C22orf23: variants seen among roughly 807,000 people sequenced by gnomAD.
C22orf23 encodes chromosome 22 open reading frame 23.
Under a neutral mutation model 29.7 loss-of-function variants are expected in C22orf23, and 30 were observed. The observed-to-expected ratio is 1.01, with a 90% CI of 0.76 to 1.37. The LOEUF (loss-of-function observed/expected upper bound fraction) is 1.37, where lower values mean the gene tolerates loss of function less well. C22orf23 is among the 40% of genes most tolerant of loss of function. C22orf23 has a pLI of 0.00. For synonymous variants in C22orf23, 90 were observed against 96.1 expected, an observed-to-expected ratio of 0.94 and a Z score of 0.37; for missense variants, 237 against 273.1, an observed-to-expected ratio of 0.87 and a Z score of 0.93.
rs199929592 is a variant in C22orf23 at position 37,947,347 on chromosome 22, G to A, written c.283C>T (p.Arg95Trp). ...PPILAARPHL[R>W]PANMCQANGA... Reference sequence around the variant, plus strand: ...TTGGCTTGACACATGTTGGCAGGCCGGAGGTGGGGACGGGCTGCGAGGATG... The same window carrying A: ...TTGGCTTGACACATGTTGGCAGGCCAGAGGTGGGGACGGGCTGCGAGGATG... Residue 95 changes from arginine to tryptophan, a missense_variant, in exon 4 of 7, where the codon CGG becomes TGG. Coordinates refer to ENST00000403305, the MANE Select transcript of C22orf23 (RefSeq NM_032561.5). 7.9e-5 allele frequency: 128 copies of A among 1,613,802 alleles called. No homozygotes were observed. Among genetic ancestry groups the A allele is most frequent in the Non-Finnish European group, 7.7e-5 (91 of 1,179,990 alleles).
intron 3 of C22orf23, 116 bp from the exon 4 acceptor site, chr22:37,947,579 C>G: frequency 2.4e-6 from 2 of 817,374 alleles, no homozygotes; most frequent in Non-Finnish European, 1.8e-6. Flanking sequence ...GGCGCGATCT[C>G]GGCTTACTGC....
rs1463140151 is a variant in C22orf23 at position 37,943,944 on chromosome 22, C to T, written c.*231G>A. 7 of 594,132 alleles carry T rather than the reference C, an allele frequency of 1.2e-5. No individual in the cohort carries two copies. The highest frequency in any genetic ancestry group is 1.2e-4 in the Admixed American group (4 of 34,552). The allele number at this position is 594,132 out of a possible 1,614,324, so 36.8% of individuals were successfully genotyped here. The stretch of plus-strand genomic sequence containing the variant: ...AGACACATGTCCTAGTAGGGATGCT[C>T]GGGCTTTGCTTCTCTGCGGACGGGG... On this transcript the variant is annotated 3_prime_UTR_variant, in exon 7 of 7. Coordinates refer to ENST00000403305, the MANE Select transcript of C22orf23 (RefSeq NM_032561.5).
Position 37,951,617 on chromosome 22 carries a change from C to T in C22orf23, c.104-95G>A, listed in dbSNP as rs897381251. On this transcript the variant is annotated intron_variant, in intron 2 of 6. Transcript: ENST00000403305. Reference sequence around the variant, plus strand: ...AATTTAAAACCCTACATCCTAGCCCCATTCTGCACTGAGCATGCCTTCTCT... The same window carrying T: ...AATTTAAAACCCTACATCCTAGCCCTATTCTGCACTGAGCATGCCTTCTCT... 1.9e-5 allele frequency: 20 copies of T among 1,031,508 alleles called. No individual in the cohort carries two copies. The African/African-American group carries it at 2.2e-4, about 11-fold the overall frequency. The allele number at this position is 1,031,508 out of a possible 1,614,324, so 63.9% of individuals were successfully genotyped here. A position where few individuals can be genotyped will look rare whatever the true frequency, so the allele number is the denominator to read the frequency against.
chr22:37,947,592 C>G (rs912872811), intron 3 of C22orf23, 129 bp from the exon 4 acceptor site: 1 of 720,914 alleles, frequency 1.4e-6, no homozygotes, highest in Non-Finnish European at 2.1e-6. Flanking sequence ...CTTACTGCAA[C>G]CTCTGCCTCT....
intron 3 of C22orf23, 86 bp downstream of exon 3, chr22:37,951,374 G>T: frequency 8.4e-7 from 1 of 1,192,978 alleles, no homozygotes. Context: ...TTTTATATGA[G>T]GTCCTCTCTC....
At chr22:37,951,621 C>A in intron 2 of C22orf23, 99 bp from the exon 3 acceptor site, 2 of 964,422 alleles carry the variant, frequency 2.1e-6, no homozygotes, top group South Asian at 1.4e-5. Flanking sequence ...TAGCCCCATT[C>A]TGCACTGAGC....
intron 5 of C22orf23, 39 bp from the exon 6 acceptor site, chr22:37,944,556 T>C: frequency 6.4e-7 from 1 of 1,566,716 alleles, no homozygotes; most frequent in Non-Finnish European, 8.8e-7. Flanking sequence ...CCATGAGGGA[T>C]GCAGGCAGCG....
chr22:37,951,906 C>T (rs1931062215), intron 2 of C22orf23: 1 of 146,848 alleles, frequency 6.8e-6, no homozygotes, highest in South Asian at 2.1e-4. Flanking sequence ...ATCTCCACCT[C>T]CTGGGTTCAA....
At chr22:37,948,455 C>G (rs182349347) in intron 3 of C22orf23, among the ~76,000 whole-genome samples, 2 of 140,178 alleles carry the variant, frequency 1.4e-5, no homozygotes, top group African/African-American at 6.3e-5. Context: ...CTCAAAAAAA[C>G]CCCCAAAAAA....
At chr22:37,946,279 G>T (rs1031761955) in intron 4 of C22orf23, among the ~76,000 whole-genome samples, 24 of 150,288 alleles carry the variant, frequency 1.6e-4, no homozygotes, top group African/African-American at 5.9e-4. Context: ...AAAATTAGCT[G>T]GGCAGGGCAT....
chr22:37,951,670 CACTT>C, intron 2 of C22orf23, 148 bp from the exon 3 acceptor site: 2 of 488,974 alleles, frequency 4.1e-6, no homozygotes, highest in Non-Finnish European at 7.3e-6. Flanking sequence ...TTTTCTATAG[CACTT>C]ACGACCACCT....
At position 37,951,504 on chromosome 22, in the gene C22orf23, T is replaced by C. The variant is rs1931008198; in HGVS notation, c.122A>G (p.Lys41Arg). Reference sequence around the variant, plus strand: ...GTGGCGCTGCTGGATGTTCGTCAGTTTGGATTCCTTCATCATCACTGCACG... The same window carrying C: ...GTGGCGCTGCTGGATGTTCGTCAGTCTGGATTCCTTCATCATCACTGCACG... ...ELLRVMMKES[K>R]LTNIQQRHIM... Residue 41 changes from lysine (K) to arginine (R), a missense_variant, in exon 3 of 7, where the codon AAA (lysine) becomes AGA (arginine). Lys to Arg is a conservative substitution (Grantham distance 26). Coordinates refer to ENST00000403305, the MANE Select transcript of C22orf23 (RefSeq NM_032561.5). 3 of 1,614,022 alleles carry C rather than the reference T, an allele frequency of 1.9e-6. No homozygotes were observed. The highest frequency in any genetic ancestry group is 1.7e-6 in the Non-Finnish European group (2 of 1,179,980).
At chr22:37,947,543 C>T (rs1431604493) in intron 3 of C22orf23, 80 bp from the exon 4 acceptor site, 1 of 1,203,684 alleles carries the variant, frequency 8.3e-7, no homozygotes. Flanking sequence ...CTGAGTCTTG[C>T]TCTGTCACTC....
intron 5 of C22orf23, 46 bp from the exon 6 acceptor site, chr22:37,944,563 A>G (rs749407671): frequency 6.5e-7 from 1 of 1,543,342 alleles, no homozygotes; most frequent in Admixed American, 1.7e-5. Flanking sequence ...GGATGCAGGC[A>G]GCGGGTTGCC....
At chr22:37,947,214 T>C in intron 4 of C22orf23, 67 bp downstream of exon 4, 1 of 1,559,676 alleles carries the variant, frequency 6.4e-7, no homozygotes, top group African/African-American at 1.4e-5. Context: ...TGTGGGCTGC[T>C]TGCGTCCCTC....
chr22:37,944,459 C>A lies in C22orf23; in HGVS notation c.540G>T (p.Gln180His). Residue 180 changes from glutamine to histidine, a missense_variant, in exon 6 of 7, where the codon CAG becomes CAT. Gln to His is a conservative substitution (Grantham distance 24). Transcript: ENST00000403305. ...GGATGATTCCTCGGTACTGTTTGCC[C>A]TGTCCCAGGGCCTCCATGTCAGCCA... Reference protein sequence around the residue: ...EFLADMEALGQGKQYRGIILA... With the variant: ...EFLADMEALGHGKQYRGIILA... The A allele has an allele frequency of 6.2e-7, 1 of 1,614,200 alleles. No homozygotes were observed. Among genetic ancestry groups the A allele is most frequent in the African/African-American group, 1.3e-5 (1 of 75,072 alleles).
chr22:37,948,901 CTT>C (rs1200367125), intron 3 of C22orf23, among the ~76,000 whole-genome samples: 1 of 152,100 alleles, frequency 6.6e-6, no homozygotes, highest in Non-Finnish European at 1.5e-5. Context: ...TTATATATAA[CTT>C]ATTTTTTATA....
intron 2 of C22orf23, 106 bp downstream of exon 2, chr22:37,952,941 T>A: frequency 1.3e-6 from 1 of 795,024 alleles, no homozygotes; most frequent in East Asian, 2.5e-5. Context: ...GTGGAACAGT[T>A]TCATCCCGAA....
rs990926811 is a variant in C22orf23 at position 37,943,307 on chromosome 22, G to T, written c.*868C>A. 2.6e-5 allele frequency: 4 copies of T among 152,214 alleles called. No individual in the cohort carries two copies. The highest frequency in any genetic ancestry group is 9.7e-5 in the African/African-American group (4 of 41,424). 9.4% of individuals were successfully genotyped at this position (152,214 alleles called of 1,614,324 possible). A position where few individuals can be genotyped will look rare whatever the true frequency, so the allele number is the denominator to read the frequency against. ...AGATGCACAAGCACGGAGCTGGTGG[G>T]TTTTGCCCAAGAAAGGTCACGCGGC... On this transcript the variant is annotated 3_prime_UTR_variant, in exon 7 of 7. Coordinates refer to ENST00000403305, the MANE Select transcript of C22orf23 (RefSeq NM_032561.5).
Sources: gnomAD v4.1 joint callset for allele counts (sites outside exome capture counted in the v4.1 genomes callset) on GRCh38, gnomAD v4.1.1 for gene constraint, MANE v1.5 for transcripts, NCBI Gene and HGNC (gene_info 2026-07-23, HGNC 2026-07-21) for gene names.